The following STPG2 variants were observed in gnomAD, a reference collection of about 807,000 sequenced individuals.
The protein encoded by STPG2 is sperm tail PG-rich repeat containing 2.
Under a neutral mutation model 54.2 loss-of-function variants are expected in STPG2, and 56 were observed. The observed-to-expected ratio is 1.03, with a 90% confidence interval of 0.83 to 1.29. STPG2 has a LOEUF of 1.29. STPG2 is among the 50% of genes most tolerant of loss of function. The probability of loss-of-function intolerance (pLI) is 0.00; values close to 1 mark genes in which losing one functional copy is unlikely to be tolerated. For missense variants in STPG2, 596 were observed against 544.9 expected (o/e 1.09, Z -0.93); for synonymous variants, 200 against 181.8 (o/e 1.10, Z -0.81).
intron 9 of STPG2, among the ~76,000 whole-genome samples, chr4:97,739,140 A>G (rs1177866427): frequency 2.0e-5 from 3 of 152,210 alleles, no homozygotes; most frequent in African/African-American, 7.2e-5. Flanking sequence ...ATGAAGGCAG[A>G]AATCAAGATG....
At chr4:97,898,310 C>T (rs1731039283) in intron 8 of STPG2, among the ~76,000 whole-genome samples, 1 of 150,774 alleles carries the variant, frequency 6.6e-6, no homozygotes, top group African/African-American at 2.4e-5. Flanking sequence ...AAAATTTCTT[C>T]AATGATCATG....
chr4:97,446,909 T>A lies in STPG2; in HGVS notation c.463-259076A>T, dbSNP rs548804077. On this transcript the variant is annotated intron_variant, in intron 4 of 4. Transcript: ENST00000522676. ...GAAATTGGTACAAGAAGTGGGGTAC[T>A]GCTATAAAGATAACATGAAAATGTG... is the stretch of plus-strand genomic sequence containing the variant. 4.6e-5 allele frequency among the ~76,000 whole-genome samples: 7 copies of A among 152,306 alleles called. No individual in the cohort carries two copies. The South Asian group carries it at 1.5e-3, about 32-fold the overall frequency.
intron 10 of STPG2, among the ~76,000 whole-genome samples, chr4:97,580,462 G>C (rs1732834610): frequency 6.6e-6 from 1 of 151,810 alleles, no homozygotes; most frequent in Non-Finnish European, 1.5e-5. Context: ...GTTTAAGAAG[G>C]ATCAATCATG....
At chr4:98,084,904 A>G (rs902852336) in intron 5 of STPG2, among the ~76,000 whole-genome samples, 1 of 152,064 alleles carries the variant, frequency 6.6e-6, no homozygotes, top group Non-Finnish European at 1.5e-5. Flanking sequence ...TCTTGGCTAG[A>G]CTTTTCATTA....
intron 4 of STPG2, among the ~76,000 whole-genome samples, chr4:97,500,477 C>A (rs1313731566): frequency 6.6e-6 from 1 of 151,914 alleles, no homozygotes; most frequent in Non-Finnish European, 1.5e-5. Context: ...GACAGCCTGA[C>A]TGGAGATAAA....
At chr4:97,701,032 C>T (rs1158252475) in intron 10 of STPG2, among the ~76,000 whole-genome samples, 2 of 152,196 alleles carry the variant, frequency 1.3e-5, no homozygotes, top group Non-Finnish European at 1.5e-5. Context: ...GTGGGAATCA[C>T]CACCCCTGCA....
At chr4:97,752,807 C>T (rs570813498) in intron 9 of STPG2, among the ~76,000 whole-genome samples, 1 of 151,788 alleles carries the variant, frequency 6.6e-6, no homozygotes, top group East Asian at 1.9e-4. Flanking sequence ...CCCTTCAGGG[C>T]TCTATTCAGA....
chr4:97,697,151 G>A lies in STPG2; in HGVS notation c.1320+15548C>T, dbSNP rs533172993. On this transcript the variant is annotated intron_variant, in intron 10 of 10. Transcript: ENST00000295268. ...GTAGAAATGGTGAGAAGTACAGCAA[G>A]ACCTTATTATCTGGAAACATGGTGG... is the stretch of plus-strand genomic sequence containing the variant. Among the ~76,000 whole-genome samples the A allele has an allele frequency of 3.3e-5, 5 of 152,284 alleles. No individual in the cohort carries two copies. The South Asian group carries it at 1.0e-3, about 32-fold the overall frequency.
chr4:97,481,687 C>T (rs181739840), intron 4 of STPG2, among the ~76,000 whole-genome samples: 22 of 151,724 alleles, frequency 1.5e-4, no homozygotes, highest in Admixed American at 9.2e-4. Flanking sequence ...TTTTTGAACA[C>T]TGACCTTATA....
At chr4:97,550,326 T>C (rs879309340) in intron 4 of STPG2, among the ~76,000 whole-genome samples, 1 of 151,874 alleles carries the variant, frequency 6.6e-6, no homozygotes, top group Admixed American at 6.6e-5. Flanking sequence ...TGTAATCTAG[T>C]AGGGCAAAGA....
chr4:97,757,196 T>G (rs1321005273), intron 9 of STPG2, among the ~76,000 whole-genome samples: 1 of 152,208 alleles, frequency 6.6e-6, no homozygotes, highest in Admixed American at 6.5e-5. Flanking sequence ...GTCCCTCTTA[T>G]TTACAATTCA....
chr4:97,632,285 GTT>G (rs72316841), intron 10 of STPG2, among the ~76,000 whole-genome samples: 1 of 140,844 alleles, frequency 7.1e-6, no homozygotes. Flanking sequence ...AAGCTTATTG[GTT>G]TTTTTTTTTT....
chr4:97,797,354 C>T (rs1397350553), intron 9 of STPG2, among the ~76,000 whole-genome samples: 4 of 151,974 alleles, frequency 2.6e-5, no homozygotes, highest in African/African-American at 7.2e-5. Context: ...TATTTTGAGA[C>T]ATGCCCCATC....
intron 9 of STPG2, among the ~76,000 whole-genome samples, chr4:97,829,104 G>A (rs1164539857): frequency 6.6e-6 from 1 of 152,142 alleles, no homozygotes; most frequent in Non-Finnish European, 1.5e-5. Flanking sequence ...GGGGTCGACA[G>A]ACACCTCATA....
At chr4:97,637,230 A>G (rs1721579313) in intron 10 of STPG2, among the ~76,000 whole-genome samples, 2 of 152,260 alleles carry the variant, frequency 1.3e-5, no homozygotes. Context: ...AAACAGAGCC[A>G]AAGACAAAAA....
chr4:97,805,146 A>G (rs912317920), intron 9 of STPG2, among the ~76,000 whole-genome samples: 5 of 152,198 alleles, frequency 3.3e-5, no homozygotes, highest in African/African-American at 7.2e-5. Flanking sequence ...GGGTTGAAAC[A>G]GAACTCCTCA....
chr4:98,053,189 A>G (rs1737379375), intron 5 of STPG2, among the ~76,000 whole-genome samples: 1 of 152,204 alleles, frequency 6.6e-6, no homozygotes, highest in Non-Finnish European at 1.5e-5. Context: ...TTGAAAAAAT[A>G]ATTAAAGTGG....
intron 3 of STPG2, among the ~76,000 whole-genome samples, chr4:98,119,752 C>T (rs1360011637): frequency 1.3e-5 from 2 of 152,034 alleles, no homozygotes; most frequent in East Asian, 1.9e-4. Context: ...AAACCTACCC[C>T]CAATGGGCCC....
At chr4:97,921,056 G>T (rs1407872270) in intron 8 of STPG2, among the ~76,000 whole-genome samples, 1 of 152,166 alleles carries the variant, frequency 6.6e-6, no homozygotes, top group East Asian at 1.9e-4. Context: ...GTGTAACACA[G>T]AAATAATAAA....
Sources: gnomAD v4.1 joint callset for allele counts (sites outside exome capture counted in the v4.1 genomes callset) on GRCh38, gnomAD v4.1.1 for gene constraint, MANE v1.5 for transcripts, NCBI Gene and HGNC (gene_info 2026-07-23, HGNC 2026-07-21) for gene names.